Variants in PPP1R3C observed in about 807,000 individuals in gnomAD.
The protein encoded by PPP1R3C is protein phosphatase 1 regulatory subunit 3C.
PPP1R3C carries 20 observed loss-of-function variants against 29.3 expected under a neutral mutation model. The observed-to-expected ratio is 0.68, with a 90% confidence interval of 0.48 to 0.99. PPP1R3C has a LOEUF of 0.99. Among genes scored for constraint, PPP1R3C ranks in the 50% least tolerant of loss-of-function variants. The pLI, the probability that PPP1R3C is intolerant of heterozygous loss-of-function variation, is 0.00. For synonymous variants in PPP1R3C, 123 were observed against 143.1 expected (o/e 0.86, Z 1.00); for missense variants, 321 against 386.0 (o/e 0.83, Z 1.41).
At chr10:91,632,382 G>T (rs1848725966) in intron 1 of PPP1R3C, among the ~76,000 whole-genome samples, 1 of 149,864 alleles carries the variant, frequency 6.7e-6, no homozygotes, top group African/African-American at 2.5e-5. Context: ...TTTATGGGAG[G>T]TTTTTTTTGG....
Position 91,629,885 on chromosome 10 carries a change from G to C in PPP1R3C, c.*42C>G. The C allele has an allele frequency of 6.3e-7, 1 of 1,599,350 alleles. No homozygotes were observed. Among genetic ancestry groups the C allele is most frequent in the Non-Finnish European group, 8.6e-7 (1 of 1,167,990 alleles). ...AGCAATACAGACCTAGGATTGCATG[G>C]GGGAATATGACAAGTCAAGACCAGT... On this transcript the variant is annotated 3_prime_UTR_variant, in exon 2 of 2. Transcript: ENST00000238994.
At position 91,629,545 on chromosome 10, in the gene PPP1R3C, C is replaced by T. The variant is rs748051317; in HGVS notation, c.*382G>A. ...ACTCCTCTGACTTGAGCTTCAGAGC[C>T]CTTTGTGTATACTTTTCACACATTC... On this transcript the variant is annotated 3_prime_UTR_variant, in exon 2 of 2. Coordinates refer to ENST00000238994, the MANE Select transcript of PPP1R3C (RefSeq NM_005398.7). The T allele has an allele frequency of 4.3e-6, 1 of 231,132 alleles. No homozygotes were observed. Among genetic ancestry groups the T allele is most frequent in the Non-Finnish European group, 8.5e-6 (1 of 117,280 alleles). The allele number at this position is 231,132 out of a possible 1,614,324, so 14.3% of individuals were successfully genotyped here. A position where few individuals can be genotyped will look rare whatever the true frequency, so the allele number is the denominator to read the frequency against.
chr10:91,630,947 G>C lies in PPP1R3C; in HGVS notation c.15-81C>G. 4 of 1,266,644 alleles carry C rather than the reference G, an allele frequency of 3.2e-6. No homozygotes were observed. The highest frequency in any genetic ancestry group is 3.4e-6 in the Non-Finnish European group (3 of 883,378). 78.5% of individuals were successfully genotyped at this position (1,266,644 alleles called of 1,614,324 possible). On this transcript the variant is annotated intron_variant, in intron 1 of 1. Coordinates refer to ENST00000238994, the MANE Select transcript of PPP1R3C (RefSeq NM_005398.7). The surrounding 1 kb of genome is among the most constrained non-coding windows in gnomAD (Gnocchi z 4.4). ...TGCCAAATACATATGTACTATTTTTGTGCTGACTGAATTATAGCCAGTGCA... is the reference window on the plus strand; with the variant it reads ...TGCCAAATACATATGTACTATTTTTCTGCTGACTGAATTATAGCCAGTGCA...
At position 91,630,536 on chromosome 10, in the gene PPP1R3C, A is replaced by T; in HGVS notation, c.345T>A (p.Asp115Glu). 6.2e-7 allele frequency: 1 copy of T among 1,614,146 alleles called. No individual in the cohort carries two copies. Among genetic ancestry groups the T allele is most frequent in the South Asian group, 1.1e-5 (1 of 91,078 alleles). The change falls in exon 2 of 2, where the codon GAT (aspartate) becomes GAA (glutamate). Residue 115 changes from aspartate to glutamate, a missense_variant. Physicochemically the swap from Asp to Glu is conservative, Grantham distance 45 (BLOSUM62 2). Transcript: ENST00000238994. This position sits in a 1 kb window ranked among gnomAD's most constrained non-coding sequence, Gnocchi z 4.4. ...AGGAGATATCATTAAGGTCCAAGAGATCAAACTGCAGATCCCACGCTGGTT... is the reference window on the plus strand; with the variant it reads ...AGGAGATATCATTAAGGTCCAAGAGTTCAAACTGCAGATCCCACGCTGGTT... ...PEEPAWDLQF[D>E]LLDLNDISSA...
rs1030428147 is a variant in PPP1R3C, at chr10:91,629,657, G to A, written c.*270C>T. The stretch of plus-strand genomic sequence containing the variant: ...CAACATGAAAGCTAGTGGATTGAGA[G>A]GGAAGGAAGAAGGGAACTGAAAAAG... On this transcript the variant is annotated 3_prime_UTR_variant, in exon 2 of 2. Coordinates refer to ENST00000238994, the MANE Select transcript of PPP1R3C (RefSeq NM_005398.7). The A allele has an allele frequency of 6.3e-6, 3 of 479,178 alleles. No homozygotes were observed. The highest frequency in any genetic ancestry group is 2.4e-5 in the South Asian group (1 of 41,628). The allele number at this position is 479,178 out of a possible 1,614,324, so 29.7% of individuals were successfully genotyped here.
Position 91,628,910 on chromosome 10 carries a change from C to T in PPP1R3C, c.*1017G>A, listed in dbSNP as rs943642366. On this transcript the variant is annotated 3_prime_UTR_variant, in exon 2 of 2. Transcript: ENST00000238994. Reference sequence around the variant, plus strand: ...AAAAAGTGTGCAGAAAAATGAGTCACCTTCAATATGAAGGATGTGAGTTGT... The same window carrying T: ...AAAAAGTGTGCAGAAAAATGAGTCATCTTCAATATGAAGGATGTGAGTTGT... 1 of 152,432 alleles carries T rather than the reference C, an allele frequency of 6.6e-6. No individual in the cohort carries two copies. Among genetic ancestry groups the T allele is most frequent in the Non-Finnish European group, 1.5e-5 (1 of 68,042 alleles). 9.4% of individuals were successfully genotyped at this position (152,432 alleles called of 1,614,324 possible). A position where few individuals can be genotyped will look rare whatever the true frequency, so the allele number is the denominator to read the frequency against.
chr10:91,632,826 C>T, intron 1 of PPP1R3C, 130 bp downstream of exon 1: 1 of 1,364,036 alleles, frequency 7.3e-7, no homozygotes, highest in African/African-American at 1.4e-5. Context: ...GATTCAACTA[C>T]GCAGTCAGTC....
Position 91,630,806 on chromosome 10 carries a change from G to A in PPP1R3C, c.75C>T (p.Ala25=), listed in dbSNP as rs1197399616. 5.6e-6 allele frequency: 9 copies of A among 1,614,126 alleles called. No individual in the cohort carries two copies. The highest frequency in any genetic ancestry group is 7.6e-6 in the Non-Finnish European group (9 of 1,180,034). ...GTGAATGTGCCAAGCAAAGCCTCATGGCCACATCCACGGGCATGACCGAAC... is the reference window on the plus strand; with the variant it reads ...GTGAATGTGCCAAGCAAAGCCTCATAGCCACATCCACGGGCATGACCGAAC... ...LTSSVMPVDV[A]MRLCLAHSPP... Residue 25 remains alanine, a synonymous_variant, in exon 2 of 2, where the codon GCC becomes GCT. Coordinates refer to ENST00000238994, the MANE Select transcript of PPP1R3C (RefSeq NM_005398.7). This position sits in a 1 kb window ranked among gnomAD's most constrained non-coding sequence, Gnocchi z 4.4.
chr10:91,630,242 ACTAT>A lies in PPP1R3C; in HGVS notation c.635_638del (p.Asp212ValfsTer74). On this transcript the variant is annotated frameshift_variant, in exon 2 of 2. Coordinates refer to ENST00000238994, the MANE Select transcript of PPP1R3C (RefSeq NM_005398.7). LOFTEE classifies it high-confidence loss of function. This position sits in a 1 kb window ranked among gnomAD's most constrained non-coding sequence, Gnocchi z 4.4. ...AGTCAATGGCAAATGAGAAGGTATCACTATCTGTGCCACCATACACATTTTTCAT... is the reference window on the plus strand; with the variant it reads ...AGTCAATGGCAAATGAGAAGGTATCACTGTGCCACCATACACATTTTTCAT... 6.2e-7 allele frequency: 1 copy of A among 1,614,238 alleles called. No individual in the cohort carries two copies.
Position 91,630,817 on chromosome 10 carries a change from C to A in PPP1R3C, c.64G>T (p.Val22Leu), listed in dbSNP as rs754313291. ...AAGCAAAGCCTCATGGCCACATCCACGGGCATGACCGAACTTGTCAAAGGA... is the reference window on the plus strand; with the variant it reads ...AAGCAAAGCCTCATGGCCACATCCAAGGGCATGACCGAACTTGTCAAAGGA... ...PRPLTSSVMP[V>L]DVAMRLCLAH... The change falls in exon 2 of 2, where the codon GTG (valine) becomes TTG (leucine). Residue 22 changes from valine (V) to leucine (L), a missense_variant. Transcript: ENST00000238994. The surrounding 1 kb of genome is among the most constrained non-coding windows in gnomAD (Gnocchi z 4.4). 3 of 1,613,872 alleles carry A rather than the reference C, an allele frequency of 1.9e-6. No homozygotes were observed. The highest frequency in any genetic ancestry group is 2.5e-6 in the Non-Finnish European group (3 of 1,180,044).
chr10:91,630,949 G>T lies in PPP1R3C; in HGVS notation c.15-83C>A. 8.0e-7 allele frequency: 1 copy of T among 1,255,556 alleles called. No homozygotes were observed. The highest frequency in any genetic ancestry group is 1.1e-6 in the Non-Finnish European group (1 of 874,206). The allele number at this position is 1,255,556 out of a possible 1,614,324, so 77.8% of individuals were successfully genotyped here. ...CCAAATACATATGTACTATTTTTGT[G>T]CTGACTGAATTATAGCCAGTGCACT... On this transcript the variant is annotated intron_variant, in intron 1 of 1. Transcript: ENST00000238994. This position sits in a 1 kb window ranked among gnomAD's most constrained non-coding sequence, Gnocchi z 4.4.
Position 91,629,982 on chromosome 10 carries a change from A to G in PPP1R3C, c.899T>C (p.Leu300Pro), listed in dbSNP as rs773712201. ...IFGSPRLASG[L>P]FPEWQSWGRM... ...CCCCCAGCTCTGCCACTCTGGGAAG[A>G]GCCCACTAGCCAGCCTCGGACTGCC... The change falls in exon 2 of 2, where the codon CTC becomes CCC. Residue 300 changes from leucine (L) to proline (P), a missense_variant. By Grantham distance (98) the Leu-to-Pro change is moderately conservative. Transcript: ENST00000238994. The G allele has an allele frequency of 1.9e-6, 3 of 1,614,246 alleles. No individual in the cohort carries two copies. Among genetic ancestry groups the G allele is most frequent in the South Asian group, 1.1e-5 (1 of 91,086 alleles).
At position 91,628,755 on chromosome 10, in the gene PPP1R3C, C is replaced by T. The variant is rs1020483438; in HGVS notation, c.*1172G>A. ...ACAAAACATTCAAAACAAGTCACATCCATTTTTTTAAAAAAAAGAAAACAG... is the reference window on the plus strand; with the variant it reads ...ACAAAACATTCAAAACAAGTCACATTCATTTTTTTAAAAAAAAGAAAACAG... On this transcript the variant is annotated 3_prime_UTR_variant, in exon 2 of 2. Coordinates refer to ENST00000238994, the MANE Select transcript of PPP1R3C (RefSeq NM_005398.7). 2 of 152,354 alleles carry T rather than the reference C, an allele frequency of 1.3e-5. No individual in the cohort carries two copies. Among genetic ancestry groups the T allele is most frequent in the African/African-American group, 4.8e-5 (2 of 41,426 alleles). 9.4% of individuals were successfully genotyped at this position (152,354 alleles called of 1,614,324 possible).
At position 91,629,100 on chromosome 10, in the gene PPP1R3C, G is replaced by C. The variant is rs1318773260; in HGVS notation, c.*827C>G. The C allele has an allele frequency of 6.6e-6, 1 of 152,202 alleles. No individual in the cohort carries two copies. The highest frequency in any genetic ancestry group is 1.5e-5 in the Non-Finnish European group (1 of 68,042). The allele number at this position is 152,202 out of a possible 1,614,324, so 9.4% of individuals were successfully genotyped here. ...CTGGTTTAATCAAGGCACTTGCAAAGAGCTATCTTTGACATGACATGAAGT... is the reference window on the plus strand; with the variant it reads ...CTGGTTTAATCAAGGCACTTGCAAACAGCTATCTTTGACATGACATGAAGT... On this transcript the variant is annotated 3_prime_UTR_variant, in exon 2 of 2. Coordinates refer to ENST00000238994, the MANE Select transcript of PPP1R3C (RefSeq NM_005398.7).
In PPP1R3C at chr10:91,628,881, A is replaced by C. The variant is rs903835299; in HGVS notation, c.*1046T>G. On this transcript the variant is annotated 3_prime_UTR_variant, in exon 2 of 2. Coordinates refer to ENST00000238994, the MANE Select transcript of PPP1R3C (RefSeq NM_005398.7). ...TGTCGGGCCTCACGTCAAGCATCACATCAAAAAAGTGTGCAGAAAAATGAG... is the reference window on the plus strand; with the variant it reads ...TGTCGGGCCTCACGTCAAGCATCACCTCAAAAAAGTGTGCAGAAAAATGAG... The C allele has an allele frequency of 2.0e-5, 3 of 152,570 alleles. No individual in the cohort carries two copies. Among genetic ancestry groups the C allele is most frequent in the Non-Finnish European group, 4.4e-5 (3 of 68,036 alleles). The allele number at this position is 152,570 out of a possible 1,614,324, so 9.5% of individuals were successfully genotyped here. A position where few individuals can be genotyped will look rare whatever the true frequency, so the allele number is the denominator to read the frequency against.
intron 1 of PPP1R3C, 31 bp downstream of exon 1, chr10:91,632,925 T>G: frequency 6.2e-7 from 1 of 1,608,704 alleles, no homozygotes; most frequent in Non-Finnish European, 8.5e-7. Flanking sequence ...TTCCCCTGTG[T>G]TCCTAGCGCG....
chr10:91,632,875 A>C, intron 1 of PPP1R3C, 81 bp downstream of exon 1: 1 of 1,545,788 alleles, frequency 6.5e-7, no homozygotes. Context: ...TCCAGAGATG[A>C]TAGAACTGAA....
At position 91,629,611 on chromosome 10, in the gene PPP1R3C, C is replaced by T. The variant is rs867611820; in HGVS notation, c.*316G>A. ...CAGCTTTCCATCACCATCAGCCATC[C>T]TTCCTCAACTTTTCCTTGCCCAACA... On this transcript the variant is annotated 3_prime_UTR_variant, in exon 2 of 2. Coordinates refer to ENST00000238994, the MANE Select transcript of PPP1R3C (RefSeq NM_005398.7). The T allele has an allele frequency of 7.4e-6, 3 of 407,598 alleles. No individual in the cohort carries two copies. The South Asian group carries it at 8.1e-5, about 11-fold the overall frequency. 25.2% of individuals were successfully genotyped at this position (407,598 alleles called of 1,614,324 possible). A position where few individuals can be genotyped will look rare whatever the true frequency, so the allele number is the denominator to read the frequency against.
Position 91,629,989 on chromosome 10 carries a change from T to C in PPP1R3C, c.892A>G (p.Ser298Gly), listed in dbSNP as rs766858533. 7.4e-6 allele frequency: 12 copies of C among 1,614,110 alleles called. No homozygotes were observed. The highest frequency in any genetic ancestry group is 1.3e-5 in the African/African-American group (1 of 74,948). Reference protein sequence around the residue: ...STIFGSPRLASGLFPEWQSWG... With the variant: ...STIFGSPRLAGGLFPEWQSWG... ...CTCTGCCACTCTGGGAAGAGCCCAC[T>C]AGCCAGCCTCGGACTGCCAAAGATT... The change falls in exon 2 of 2, where the codon AGT (serine) becomes GGT (glycine). Residue 298 changes from serine to glycine, a missense_variant. By Grantham distance (56) the Ser-to-Gly change is moderately conservative. Coordinates refer to ENST00000238994, the MANE Select transcript of PPP1R3C (RefSeq NM_005398.7).
Sources: allele counts gnomAD v4.1 joint callset (sites outside exome capture counted in the v4.1 genomes callset), GRCh38; gene constraint gnomAD v4.1.1; non-coding constraint Gnocchi (gnomAD v3.1); transcripts MANE v1.5; gene names NCBI Gene and HGNC (gene_info 2026-07-23, HGNC 2026-07-21).